Variants in PCDH11X observed in about 807,000 individuals in gnomAD.
PCDH11X encodes the protein protocadherin 11 X-linked, also known as protocadherin-11 X-linked.
In PCDH11X, 18 loss-of-function variants were observed where a neutral mutation model predicts 53.3. The ratio of observed to expected loss-of-function variants is 0.34; its 90% CI spans 0.23 to 0.50. PCDH11X has a LOEUF of 0.50. PCDH11X is among the 20% of genes least tolerant of loss of function. The probability of loss-of-function intolerance (pLI) is 0.98; values close to 1 mark genes in which losing one functional copy is unlikely to be tolerated. For synonymous variants in PCDH11X, 279 were observed against 393.3 expected (o/e 0.71, Z 3.44); for missense variants, 570 against 1,032.4 (o/e 0.55, Z 6.14).
intron 10 of PCDH11X, among the ~76,000 whole-genome samples, chrX:92,517,803 A>C: frequency 9.0e-6 from 1 of 110,858 alleles, no homozygotes; most frequent in Middle Eastern, 4.7e-3. Flanking sequence ...TACATCCATA[A>C]ACTTTGGGTG....
Position 91,835,564 on chromosome X carries a change from C to G in PCDH11X, c.60C>G (p.His20Gln). ...FAVLLACVVF[H>Q]SGAQEKNYTI... is the part of the protein sequence containing the mutation. The stretch of plus-strand genomic sequence containing the variant: ...TCCTGCTAGCATGCGTGGTGTTCCA[C>G]TCTGGCGCCCAGGAGAAAAACTACA... Residue 20 changes from histidine (H) to glutamine (Q), a missense_variant, in exon 5 of 11, where the codon CAC becomes CAG. Physicochemically the swap from His to Gln is conservative, Grantham distance 24. This residue lies in a region of PCDH11X where 84 missense variants were observed against 142.0 expected (regional missense o/e 0.59). Transcript: ENST00000682573. 2 of 1,211,327 alleles carry G rather than the reference C, an allele frequency of 1.7e-6. No individual in the cohort carries two copies. The highest frequency in any genetic ancestry group is 2.2e-6 in the Non-Finnish European group (2 of 895,486).
intron 6 of PCDH11X, among the ~76,000 whole-genome samples, chrX:91,884,698 TTA>T (rs1319975875): frequency 2.1e-5 from 2 of 93,153 alleles, no homozygotes; most frequent in African/African-American, 1.5e-4. Flanking sequence ...CTTAAACTAT[TTA>T]TGACTTACTA....
chrX:91,792,767 T>C (rs771631804), intron 1 of PCDH11X, among the ~76,000 whole-genome samples: 53 of 111,826 alleles, frequency 4.7e-4, no homozygotes, highest in African/African-American at 1.7e-3. Context: ...GAACATGATA[T>C]ACAGTATTTC....
At chrX:91,921,679 A>C (rs1460666455) in intron 6 of PCDH11X, among the ~76,000 whole-genome samples, 1 of 103,158 alleles carries the variant, frequency 9.7e-6, no homozygotes, top group Non-Finnish European at 2.0e-5. Context: ...TCATTTCTGA[A>C]TCTACCACAG....
chrX:92,179,689 A>T (rs1278105203), intron 6 of PCDH11X, among the ~76,000 whole-genome samples: 2 of 112,340 alleles, frequency 1.8e-5, no homozygotes, highest in African/African-American at 6.5e-5. Context: ...AATGAATTCC[A>T]TGCTTATATC....
At chrX:92,147,881 TTTTTCTTTCTCTTTCC>T (rs1456586698) in intron 6 of PCDH11X, among the ~76,000 whole-genome samples, 4 of 95,056 alleles carry the variant, frequency 4.2e-5, no homozygotes, top group Non-Finnish European at 8.4e-5. Context: ...CCTTTCTTTC[TTTTTCTTTCTCTTTCC>T]TTTTCTTTCT....
intron 8 of PCDH11X, among the ~76,000 whole-genome samples, chrX:92,301,865 C>T (rs1243723999): frequency 1.8e-5 from 2 of 110,004 alleles, no homozygotes; most frequent in Non-Finnish European, 3.8e-5. Context: ...ATCCTTTAAA[C>T]GTTTGGTAGA....
At chrX:92,173,934 G>A (rs2065862483) in intron 6 of PCDH11X, among the ~76,000 whole-genome samples, 1 of 88,031 alleles carries the variant, frequency 1.1e-5, no homozygotes, top group Admixed American at 1.6e-4. Flanking sequence ...GCAGTGAGTC[G>A]TGATAGCACC....
intron 10 of PCDH11X, among the ~76,000 whole-genome samples, chrX:92,559,488 A>G (rs1488893232): frequency 2.7e-5 from 3 of 110,452 alleles, no homozygotes; most frequent in Non-Finnish European, 3.8e-5. Context: ...ATAAGAACCA[A>G]AATTTAAGTG....
chrX:91,993,282 C>G (rs950453341), intron 6 of PCDH11X, among the ~76,000 whole-genome samples: 13 of 112,663 alleles, frequency 1.2e-4, no homozygotes, highest in African/African-American at 4.2e-4. Flanking sequence ...TCTGTGTTCT[C>G]ATTAATTAGT....
At chrX:92,368,910 G>C (rs747375589) in intron 8 of PCDH11X, among the ~76,000 whole-genome samples, 6 of 109,334 alleles carry the variant, frequency 5.5e-5, no homozygotes, top group African/African-American at 2.0e-4. Context: ...GCCAGCTGGA[G>C]ATCTCCTGTA....
intron 8 of PCDH11X, among the ~76,000 whole-genome samples, chrX:92,271,003 G>A (rs772532061): frequency 9.0e-6 from 1 of 111,548 alleles, no homozygotes; most frequent in South Asian, 3.8e-4. Flanking sequence ...CTTAACTACC[G>A]CGATTCTCTG....
intron 6 of PCDH11X, among the ~76,000 whole-genome samples, chrX:92,140,403 G>C (rs1250849314): frequency 1.8e-5 from 2 of 111,190 alleles, no homozygotes; most frequent in East Asian, 5.7e-4. Context: ...TTTATGAAAG[G>C]CTGTTTGTAA....
intron 10 of PCDH11X, among the ~76,000 whole-genome samples, chrX:92,475,546 A>G (rs2073365219): frequency 9.0e-6 from 1 of 111,720 alleles, no homozygotes. Flanking sequence ...TGCCAGATGT[A>G]TTGGTGCTCC....
At chrX:92,373,905 T>G (rs6618993) in intron 8 of PCDH11X, among the ~76,000 whole-genome samples, 1 of 110,805 alleles carries the variant, frequency 9.0e-6, no homozygotes, top group African/African-American at 3.3e-5. Flanking sequence ...TAAATGAAAT[T>G]GTATCCTATT....
chrX:92,241,263 T>C (rs1037480441), intron 7 of PCDH11X, among the ~76,000 whole-genome samples: 190 of 111,840 alleles, frequency 1.7e-3, no homozygotes, highest in African/African-American at 6.1e-3. Flanking sequence ...CATATATAGG[T>C]GACTATAGTT....
chrX:92,545,075 A>AT (rs922451015), intron 10 of PCDH11X, among the ~76,000 whole-genome samples: 1 of 111,288 alleles, frequency 9.0e-6, no homozygotes, highest in Non-Finnish European at 1.9e-5. Context: ...TGCTGTCCAA[A>AT]TGCATGCTTC....
intron 6 of PCDH11X, among the ~76,000 whole-genome samples, chrX:92,078,757 G>T (rs2063812341): frequency 9.0e-6 from 1 of 110,733 alleles, no homozygotes; most frequent in Non-Finnish European, 1.9e-5. Flanking sequence ...GAGATCACAT[G>T]GCTGCTTCAT....
At chrX:92,076,593 C>T (rs1377089041) in intron 6 of PCDH11X, among the ~76,000 whole-genome samples, 2 of 111,410 alleles carry the variant, frequency 1.8e-5, no homozygotes, top group Non-Finnish European at 3.8e-5. Context: ...GGACAAATAA[C>T]CAAAATTCCA....
Sources: gnomAD v4.1 joint callset for allele counts (sites outside exome capture counted in the v4.1 genomes callset) on GRCh38, gnomAD v4.1.1 for gene constraint, gnomAD v4.1.1 regional missense constraint, MANE v1.5 for transcripts, NCBI Gene and HGNC (gene_info 2026-07-23, HGNC 2026-07-21) for gene names.